SUPT3H: variants seen among roughly 807,000 people sequenced by gnomAD.
SUPT3H encodes SPT3 homolog, SAGA and STAGA complex component, also known as transcription initiation protein SPT3 homolog.
Under a neutral mutation model 44.3 loss-of-function variants are expected in SUPT3H, and 44 were observed. The ratio of observed to expected loss-of-function variants is 0.99; its 90% CI spans 0.78 to 1.28. The LOEUF is 1.28. Ranked by LOEUF, SUPT3H falls within the 50% of genes most tolerant of loss-of-function variation. The pLI, the probability that SUPT3H is intolerant of heterozygous loss-of-function variation, is 0.00. For missense variants in SUPT3H, 380 were observed against 387.1 expected, an observed-to-expected ratio of 0.98 and a Z score of 0.15; for synonymous variants, 124 against 125.6, an observed-to-expected ratio of 0.99 and a Z score of 0.09.
intron 7 of SUPT3H, chr6:44,955,462 C>T (rs567820659): frequency 6.6e-6 from 1 of 152,476 alleles, no homozygotes; most frequent in African/African-American, 2.4e-5. Flanking sequence ...GGCTTTCCCC[C>T]ACTTCCCTGG....
At chr6:44,818,710 T>C (rs572294420) in intron 11 of SUPT3H, among the ~76,000 whole-genome samples, 4 of 152,110 alleles carry the variant, frequency 2.6e-5, no homozygotes, top group African/African-American at 7.2e-5. Context: ...CTTAATATCA[T>C]TGGTCATCAG....
intron 2 of SUPT3H, among the ~76,000 whole-genome samples, chr6:45,232,712 A>T (rs953938712): frequency 2.0e-5 from 3 of 152,166 alleles, no homozygotes; most frequent in Non-Finnish European, 2.9e-5. Context: ...CACCAGCCAG[A>T]GTCCCAGACA....
intron 2 of SUPT3H, among the ~76,000 whole-genome samples, chr6:45,346,988 CTA>C (rs2150164132): frequency 6.6e-6 from 1 of 152,142 alleles, no homozygotes; most frequent in Non-Finnish European, 1.5e-5. Flanking sequence ...TAAAGAAATA[CTA>C]TATAAGAAAA....
In SUPT3H at chr6:44,944,718, T is replaced by C. The variant is rs1042151692; in HGVS notation, c.801+8592A>G. Reference sequence around the variant, plus strand: ...TTCAGGCTGCAGTGAGCTATGATCATGCTACTGTACTCCAGCCTGGGAGAC... The same window carrying C: ...TTCAGGCTGCAGTGAGCTATGATCACGCTACTGTACTCCAGCCTGGGAGAC... On this transcript the variant is annotated intron_variant, in intron 9 of 10. Coordinates refer to ENST00000371459, the MANE Select transcript of SUPT3H (RefSeq NM_003599.4). 5.5e-5 allele frequency among the ~76,000 whole-genome samples: 7 copies of C among 127,044 alleles called. 1 individual carries two copies. The South Asian group carries it at 1.4e-3, about 26-fold the overall frequency. 83.3% of individuals were successfully genotyped at this position (127,044 alleles called of 152,430 possible). A position where few individuals can be genotyped will look rare whatever the true frequency, so the allele number is the denominator to read the frequency against.
chr6:45,093,478 G>A (rs940556559), intron 3 of SUPT3H, among the ~76,000 whole-genome samples: 10 of 152,016 alleles, frequency 6.6e-5, no homozygotes, highest in African/African-American at 2.2e-4. Flanking sequence ...GCAGAGTTAT[G>A]GATAAAGAAA....
chr6:45,206,776 G>A (rs985304341), intron 2 of SUPT3H, among the ~76,000 whole-genome samples: 1 of 152,126 alleles, frequency 6.6e-6, no homozygotes, highest in Non-Finnish European at 1.5e-5. Context: ...ATTTTGACCT[G>A]CTGGAAGTAA....
rs542407143 is a variant in SUPT3H at position 44,829,800 on chromosome 6, CA to C, written c.*15del. On this transcript the variant is annotated 3_prime_UTR_variant, in exon 11 of 11. Coordinates refer to ENST00000371459, the MANE Select transcript of SUPT3H (RefSeq NM_003599.4). ...ATTGCCTTTCCTGTTGTTGCAGGCA[CA>C]TCACAGTTGTCACATCAGCAGGCTA... 1.7e-4 allele frequency: 271 copies of C among 1,612,384 alleles called. 1 individual carries two copies. In the African/African-American group the frequency reaches 2.3e-3, roughly 14 times the overall value.
chr6:45,221,383 A>G (rs1161374064), intron 2 of SUPT3H, among the ~76,000 whole-genome samples: 1 of 151,940 alleles, frequency 6.6e-6, no homozygotes, highest in Admixed American at 6.6e-5. Flanking sequence ...AAAATATAAT[A>G]ATAAGAGTGA....
intron 3 of SUPT3H, among the ~76,000 whole-genome samples, chr6:45,096,050 C>T (rs1016365698): frequency 2.6e-5 from 4 of 152,082 alleles, no homozygotes; most frequent in Non-Finnish European, 4.4e-5. Context: ...CCAGGAATTT[C>T]ATTAACTCCT....
chr6:44,933,509 A>T (rs1770924917), intron 9 of SUPT3H, among the ~76,000 whole-genome samples: 1 of 152,226 alleles, frequency 6.6e-6, no homozygotes, highest in Non-Finnish European at 1.5e-5. Flanking sequence ...CTCTGCCAAG[A>T]TACATAATAT....
At chr6:45,059,053 A>G (rs1173875718) in intron 3 of SUPT3H, among the ~76,000 whole-genome samples, 1 of 152,176 alleles carries the variant, frequency 6.6e-6, no homozygotes, top group Admixed American at 6.5e-5. Flanking sequence ...TCTGAGTCTT[A>G]CTAATCTTTG....
chr6:44,975,549 G>A lies in SUPT3H; in HGVS notation c.505-13721C>T, dbSNP rs117771034. ...AAGCTATGAAGATGCAAAGGCATAAGAATGATATAAGGAACTTTGGAGACT... is the reference window on the plus strand; with the variant it reads ...AAGCTATGAAGATGCAAAGGCATAAAAATGATATAAGGAACTTTGGAGACT... On this transcript the variant is annotated intron_variant, in intron 6 of 10. Coordinates refer to ENST00000371459, the MANE Select transcript of SUPT3H (RefSeq NM_003599.4). Among the ~76,000 whole-genome samples, 401 of 148,044 alleles carry A rather than the reference G, an allele frequency of 2.7e-3. 20 individuals carry two copies. In the East Asian group the frequency reaches 0.077, roughly 28 times the overall value.
chr6:44,884,698 G>C (rs914594302), intron 10 of SUPT3H, among the ~76,000 whole-genome samples: 1 of 152,124 alleles, frequency 6.6e-6, no homozygotes, highest in South Asian at 2.1e-4. Context: ...GCAGAAGACG[G>C]GTGATTTCTG....
At chr6:44,833,705 T>G (rs1490441081) in intron 10 of SUPT3H, among the ~76,000 whole-genome samples, 1 of 152,154 alleles carries the variant, frequency 6.6e-6, no homozygotes, top group Non-Finnish European at 1.5e-5. Flanking sequence ...GAGTAGATTT[T>G]GGATTTAAAA....
At chr6:45,328,186 G>A in intron 2 of SUPT3H, 2 of 968,590 alleles carry the variant, frequency 2.1e-6, no homozygotes, top group South Asian at 3.6e-5. Flanking sequence ...AGAGCAAGGG[G>A]GAAAAGCCAC....
chr6:45,062,486 G>C (rs1348284998), intron 3 of SUPT3H, among the ~76,000 whole-genome samples: 1 of 152,310 alleles, frequency 6.6e-6, no homozygotes, highest in African/African-American at 2.4e-5. Flanking sequence ...AACAGCTCCG[G>C]TCTACAGCTC....
At chr6:44,948,569 A>G (rs1436261286) in intron 9 of SUPT3H, among the ~76,000 whole-genome samples, 1 of 152,210 alleles carries the variant, frequency 6.6e-6, no homozygotes, top group Non-Finnish European at 1.5e-5. Flanking sequence ...CCCAATCAAA[A>G]AGTGGGCGAA....
At position 45,036,896 on chromosome 6, in the gene SUPT3H, G is replaced by A. The variant is rs537019381; in HGVS notation, c.187-16264C>T. On this transcript the variant is annotated intron_variant, in intron 3 of 10. Transcript: ENST00000371459. The stretch of plus-strand genomic sequence containing the variant: ...ACAGAATAGAGGAAGTCCCCAAGAT[G>A]TAAGGGTAGATCCCAGGATGGATGT... Among the ~76,000 whole-genome samples, 10 of 152,242 alleles carry A rather than the reference G, an allele frequency of 6.6e-5. No homozygotes were observed. The South Asian group carries it at 2.1e-3, about 32-fold the overall frequency.
rs147764457 is a variant in SUPT3H at position 45,307,394 on chromosome 6, C to T, written c.101+57807G>A. On this transcript the variant is annotated intron_variant, in intron 2 of 10. Coordinates refer to ENST00000371459, the MANE Select transcript of SUPT3H (RefSeq NM_003599.4). ...AGTAGGGGCAGACTGACACCTCATA[C>T]GGCTGGGTACCCCTCTGAGACGAAA... is the stretch of plus-strand genomic sequence containing the variant. 4.9e-3 allele frequency among the ~76,000 whole-genome samples: 753 copies of T among 152,300 alleles called. 4 individuals are homozygous for T. The highest frequency in any genetic ancestry group is 0.017 in the African/African-American group (711 of 41,568).
Sources: gnomAD v4.1 joint callset for allele counts (sites outside exome capture counted in the v4.1 genomes callset) on GRCh38, gnomAD v4.1.1 for gene constraint, MANE v1.5 for transcripts, NCBI Gene and HGNC (gene_info 2026-07-23, HGNC 2026-07-21) for gene names.